VWA8: variants seen among roughly 807,000 people sequenced by gnomAD.
The protein encoded by VWA8 is von Willebrand factor A domain-containing protein 8.
Under a neutral mutation model 241.5 loss-of-function variants are expected in VWA8, and 221 were observed. The ratio of observed to expected loss-of-function variants is 0.91; its 90% CI spans 0.82 to 1.02. VWA8 has a LOEUF of 1.02. Ranked by LOEUF, VWA8 falls within the 50% of genes least tolerant of loss-of-function variation. The pLI is 0.00. For synonymous variants in VWA8, 852 were observed against 827.1 expected (o/e 1.03, Z -0.52); for missense variants, 2,322 against 2,328.7 (o/e 1.00, Z 0.06).
intron 7 of VWA8, 43 bp from the exon 8 acceptor site, chr13:41,886,071 A>G (rs1016413371): frequency 2.3e-6 from 3 of 1,313,620 alleles, no homozygotes; most frequent in African/African-American, 3.0e-5. Context: ...TTTAAAATAT[A>G]AAATGTGTAA....
chr13:41,682,151 G>A (rs766428118), intron 35 of VWA8, among the ~76,000 whole-genome samples: 4 of 152,104 alleles, frequency 2.6e-5, no homozygotes, highest in African/African-American at 4.8e-5. Flanking sequence ...AAGAGAGTAC[G>A]GTATTAGTAA....
intron 16 of VWA8, among the ~76,000 whole-genome samples, chr13:41,815,319 T>C (rs4433708): frequency 0.73 from 110,774 of 152,114 alleles, 41,227 homozygotes; most frequent in East Asian, 0.89. Context: ...ACCCTTATCC[T>C]CCCAAAAATC....
chr13:41,675,389 G>T (rs2045053714), intron 35 of VWA8, 93 bp from the exon 36 acceptor site: 1 of 841,732 alleles, frequency 1.2e-6, no homozygotes, highest in Non-Finnish European at 1.9e-6. Context: ...GTAGCCTAGG[G>T]TAGAACGCTG....
intron 26 of VWA8, among the ~76,000 whole-genome samples, chr13:41,718,482 A>G (rs527459792): frequency 6.6e-6 from 1 of 152,074 alleles, no homozygotes; most frequent in South Asian, 2.1e-4. Flanking sequence ...TCTGGAAAAT[A>G]ATTTACTTAT....
At chr13:41,806,262 A>T (rs1252039122) in intron 17 of VWA8, among the ~76,000 whole-genome samples, 1 of 152,178 alleles carries the variant, frequency 6.6e-6, no homozygotes, top group African/African-American at 2.4e-5. Context: ...TAGCCATAAA[A>T]GCCTACATCA....
In VWA8 at chr13:41,719,738, A is replaced by T; in HGVS notation, c.2969T>A (p.Phe990Tyr). The T allele has an allele frequency of 6.2e-7, 1 of 1,604,936 alleles. No individual in the cohort carries two copies. The change falls in exon 26 of 45, where the codon TTT (phenylalanine) becomes TAT (tyrosine). Residue 990 changes from phenylalanine (F) to tyrosine (Y), a missense_variant. Transcript: ENST00000379310. ...TACACTGGAGAGACCTTCAGTCGGAAATTTCTGTATTAAAAAAAAATTCCC... is the reference window on the plus strand; with the variant it reads ...TACACTGGAGAGACCTTCAGTCGGATATTTCTGTATTAAAAAAAAATTCCC... ...VVNIVKHLQK[F>Y]PTEGLSSVVR...
intron 21 of VWA8, among the ~76,000 whole-genome samples, chr13:41,758,637 A>T (rs2045717343): frequency 6.7e-6 from 1 of 150,282 alleles, no homozygotes; most frequent in Non-Finnish European, 1.5e-5. Flanking sequence ...ATACACATTC[A>T]TGCAATTGTG....
At chr13:41,763,339 A>G (rs1440230284) in intron 20 of VWA8, among the ~76,000 whole-genome samples, 1 of 152,032 alleles carries the variant, frequency 6.6e-6, no homozygotes, top group Non-Finnish European at 1.5e-5. Context: ...ATAGATAGAT[A>G]GATAGATAGA....
At chr13:41,655,647 A>T (rs1194728563) in intron 37 of VWA8, among the ~76,000 whole-genome samples, 1 of 152,156 alleles carries the variant, frequency 6.6e-6, no homozygotes, top group Non-Finnish European at 1.5e-5. Context: ...TATTATTTTT[A>T]TCAGCAAGTG....
intron 16 of VWA8, among the ~76,000 whole-genome samples, chr13:41,815,004 T>C (rs1870628808): frequency 6.6e-6 from 1 of 151,924 alleles, no homozygotes; most frequent in Non-Finnish European, 1.5e-5. Flanking sequence ...AGAAATAAAA[T>C]GGAATAGAAA....
chr13:41,577,764 T>C (rs1180012822), intron 42 of VWA8, among the ~76,000 whole-genome samples: 2 of 152,228 alleles, frequency 1.3e-5, no homozygotes, highest in Non-Finnish European at 2.9e-5. Flanking sequence ...CTAGGTTTCT[T>C]ATATTGGGCT....
rs1200686170 is a variant in VWA8 at position 41,866,106 on chromosome 13, G to C, written c.1213-70C>G. 4 of 1,571,806 alleles carry C rather than the reference G, an allele frequency of 2.5e-6. No homozygotes were observed. In the South Asian group the frequency reaches 3.4e-5, roughly 13 times the overall value. ...CTCACGCCTATAATCCCAACACTTT[G>C]GGAGGCCAAGGCAGGCAGATCACTT... On this transcript the variant is annotated intron_variant, in intron 10 of 44. Transcript: ENST00000379310.
intron 2 of VWA8, among the ~76,000 whole-genome samples, chr13:41,930,768 G>T (rs1022739202): frequency 1.3e-5 from 2 of 152,048 alleles, no homozygotes; most frequent in Admixed American, 6.5e-5. Flanking sequence ...CCGCAATGTC[G>T]CAAATATTCA....
At chr13:41,584,865 G>A (rs941413991) in intron 42 of VWA8, among the ~76,000 whole-genome samples, 6 of 152,126 alleles carry the variant, frequency 3.9e-5, no homozygotes, top group African/African-American at 1.2e-4. Flanking sequence ...TTTTAGGGAT[G>A]ATACCCACAG....
intron 15 of VWA8, among the ~76,000 whole-genome samples, chr13:41,816,983 CA>C (rs1309572758): frequency 6.6e-6 from 1 of 152,180 alleles, no homozygotes; most frequent in African/African-American, 2.4e-5. Context: ...CTTTAAGAAT[CA>C]GGTAACTTAA....
At chr13:41,614,486 T>A (rs1012556075) in intron 38 of VWA8, among the ~76,000 whole-genome samples, 1 of 152,214 alleles carries the variant, frequency 6.6e-6, no homozygotes, top group African/African-American at 2.4e-5. Context: ...AAATCTTGCA[T>A]CCTCAACGTA....
chr13:41,639,344 C>G (rs1340494240), intron 37 of VWA8, among the ~76,000 whole-genome samples: 1 of 152,130 alleles, frequency 6.6e-6, no homozygotes, highest in Non-Finnish European at 1.5e-5. Flanking sequence ...TATTTGAACA[C>G]AAGGAAAGCC....
intron 4 of VWA8, among the ~76,000 whole-genome samples, chr13:41,898,355 G>C (rs1017282718): frequency 2.0e-5 from 3 of 151,642 alleles, no homozygotes; most frequent in African/African-American, 7.3e-5. Flanking sequence ...TAGACACAGG[G>C]TGCTCCAAGG....
At chr13:41,917,026 G>C (rs1232222805) in intron 2 of VWA8, among the ~76,000 whole-genome samples, 1 of 152,060 alleles carries the variant, frequency 6.6e-6, no homozygotes, top group Non-Finnish European at 1.5e-5. Flanking sequence ...AAAACATGTA[G>C]TTCATACTGG....
Sources: allele counts gnomAD v4.1 joint callset (sites outside exome capture counted in the v4.1 genomes callset), GRCh38; gene constraint gnomAD v4.1.1; transcripts MANE v1.5; gene names NCBI Gene and HGNC (gene_info 2026-07-23, HGNC 2026-07-21).